Variants in SAMD5 observed in about 807,000 individuals in gnomAD.
SAMD5 encodes the protein sterile alpha motif domain containing 5.
A neutral mutation model predicts 11.3 loss-of-function variants in SAMD5; 13 were observed. The ratio of observed to expected loss-of-function variants is 1.15; its 90% CI spans 0.75 to 1.83. The LOEUF (loss-of-function observed/expected upper bound fraction) is 1.83, where lower values mean the gene tolerates loss of function less well. Among genes scored for constraint, SAMD5 ranks in the 40% most tolerant of loss-of-function variants. SAMD5 has a pLI of 0.00. For missense variants in SAMD5, 255 were observed against 239.1 expected, an observed-to-expected ratio of 1.07 and a Z score of -0.44; for synonymous variants, 129 against 111.3, an observed-to-expected ratio of 1.16 and a Z score of -1.00.
At chr6:147,859,219 A>C in the SAMD5 span, among the ~76,000 whole-genome samples, 1 of 150,520 alleles carries the variant, frequency 6.6e-6, no homozygotes, top group South Asian at 2.1e-4. Flanking sequence ...CCTGAGCCAA[A>C]AGCATAGGGG....
chr6:147,946,708 T>C, the SAMD5 span, among the ~76,000 whole-genome samples: 1 of 152,220 alleles, frequency 6.6e-6, no homozygotes, highest in African/African-American at 2.4e-5. Flanking sequence ...TTTTCTTCTG[T>C]GTTTCATGGT....
chr6:147,938,962 T>G, the SAMD5 span, among the ~76,000 whole-genome samples: 1 of 152,168 alleles, frequency 6.6e-6, no homozygotes, highest in Non-Finnish European at 1.5e-5. Context: ...GCCCTCACTG[T>G]GGATGCCAGT....
chr6:147,556,560 G>A (rs972181862), intron 1 of SAMD5, among the ~76,000 whole-genome samples: 2 of 152,084 alleles, frequency 1.3e-5, no homozygotes, highest in South Asian at 2.1e-4. Context: ...GAGAATGGCC[G>A]GGATACAACA....
the SAMD5 span, among the ~76,000 whole-genome samples, chr6:147,870,451 T>A: frequency 4.0e-4 from 44 of 111,048 alleles, no homozygotes; most frequent in Non-Finnish European, 6.3e-4. Context: ...TGTGTGTGAG[T>A]GTGTGTGTGT....
At chr6:147,818,807 A>G in the SAMD5 span, among the ~76,000 whole-genome samples, 1 of 152,216 alleles carries the variant, frequency 6.6e-6, no homozygotes, top group East Asian at 1.9e-4. Context: ...CTGTGACACC[A>G]GCAAGTTACA....
intron 1 of SAMD5, among the ~76,000 whole-genome samples, chr6:147,525,438 C>G (rs554314055): frequency 1.3e-5 from 2 of 150,474 alleles, no homozygotes; most frequent in South Asian, 4.3e-4. Context: ...AACACTAATA[C>G]ATGGAGAAAT....
At chr6:147,718,760 G>A (rs1791503314) in intron 1 of SAMD5, among the ~76,000 whole-genome samples, 1 of 151,626 alleles carries the variant, frequency 6.6e-6, no homozygotes, top group Non-Finnish European at 1.5e-5. Context: ...GCACAATCTT[G>A]GCTCACTGCA....
At chr6:147,932,588 T>TTGTGTGTGTGTGTG in the SAMD5 span, among the ~76,000 whole-genome samples, 4 of 131,090 alleles carry the variant, frequency 3.1e-5, no homozygotes, top group Non-Finnish European at 4.9e-5. Flanking sequence ...TCTTACAGAA[T>TTGTGTGTGTGTGTG]TGTGTGTGTG....
chr6:147,567,186 C>A lies in SAMD5; in HGVS notation c.*2730C>A. The A allele has an allele frequency of 1.0e-6, 1 of 985,186 alleles. No individual in the cohort carries two copies. The highest frequency in any genetic ancestry group is 1.2e-6 in the Non-Finnish European group (1 of 829,778). The allele number at this position is 985,186 out of a possible 1,614,324, so 61.0% of individuals were successfully genotyped here. On this transcript the variant is annotated 3_prime_UTR_variant, in exon 2 of 2. Transcript: ENST00000367474. ...AAAAGATTTCTTGGCATAGGGAAGG[C>A]GTAATGTTAAGGGCTTCTTCCTTAC...
chr6:147,776,235 A>T, the SAMD5 span, among the ~76,000 whole-genome samples: 10 of 152,200 alleles, frequency 6.6e-5, no homozygotes, highest in Non-Finnish European at 1.3e-4. Flanking sequence ...GCTTTGGAAA[A>T]TGTGACAGGA....
the SAMD5 span, among the ~76,000 whole-genome samples, chr6:147,917,967 A>C: frequency 6.6e-6 from 1 of 152,060 alleles, no homozygotes; most frequent in Non-Finnish European, 1.5e-5. Context: ...GTAGCCTTGT[A>C]GTATAGTTTG....
At chr6:147,822,156 C>A in the SAMD5 span, among the ~76,000 whole-genome samples, 1 of 152,152 alleles carries the variant, frequency 6.6e-6, no homozygotes, top group South Asian at 2.1e-4. Flanking sequence ...TATGATCAAT[C>A]CAGTTGGCAC....
intron 1 of SAMD5, among the ~76,000 whole-genome samples, chr6:147,584,245 G>A (rs945420643): frequency 2.6e-5 from 4 of 152,016 alleles, no homozygotes; most frequent in Non-Finnish European, 4.4e-5. Context: ...TAAGCATTTC[G>A]TAGACTGTGA....
chr6:147,750,078 T>C, the SAMD5 span, among the ~76,000 whole-genome samples: 1 of 152,216 alleles, frequency 6.6e-6, no homozygotes, highest in Non-Finnish European at 1.5e-5. Context: ...TTGGCACATA[T>C]GGGAGCTTTC....
At chr6:147,785,997 C>T in the SAMD5 span, among the ~76,000 whole-genome samples, 6 of 152,072 alleles carry the variant, frequency 3.9e-5, no homozygotes, top group Non-Finnish European at 7.4e-5. Flanking sequence ...ATATGAATAT[C>T]CTAGCTGCTG....
the SAMD5 span, among the ~76,000 whole-genome samples, chr6:147,919,556 C>G: frequency 1.8e-3 from 272 of 152,284 alleles, no homozygotes; most frequent in African/African-American, 6.3e-3. Flanking sequence ...TCAGAATATT[C>G]ATGTGTTGCC....
the SAMD5 span, among the ~76,000 whole-genome samples, chr6:147,864,750 T>G: frequency 6.6e-6 from 1 of 152,224 alleles, no homozygotes. Context: ...CAAAGGGTCC[T>G]AGAGAGAAAG....
chr6:147,637,221 G>A (rs17329368), intron 1 of SAMD5, among the ~76,000 whole-genome samples: 6,693 of 152,218 alleles, frequency 0.044, 169 homozygotes, highest in South Asian at 0.054. Context: ...GAGATCCCAG[G>A]CCACAACTGA....
chr6:147,950,974 C>G, the SAMD5 span, among the ~76,000 whole-genome samples: 30 of 151,102 alleles, frequency 2.0e-4, no homozygotes, highest in Non-Finnish European at 3.7e-4. Flanking sequence ...CCTTTCTACT[C>G]AGGCCATGTA....
Sources: gnomAD v4.1 joint callset for allele counts (sites outside exome capture counted in the v4.1 genomes callset) on GRCh38, gnomAD v4.1.1 for gene constraint, MANE v1.5 for transcripts, NCBI Gene and HGNC (gene_info 2026-07-23, HGNC 2026-07-21) for gene names.